PHF24: variants seen among roughly 807,000 people sequenced by gnomAD.
PHF24 encodes PHD finger protein 24.
A neutral mutation model predicts 42.6 loss-of-function variants in PHF24; 25 were observed. The observed-to-expected ratio is 0.59, with a 90% CI of 0.43 to 0.82. The LOEUF (loss-of-function observed/expected upper bound fraction) is 0.82, where lower values mean the gene tolerates loss of function less well. PHF24 is among the 40% of genes least tolerant of loss of function. The probability of loss-of-function intolerance (pLI) is 0.00; values close to 1 mark genes in which losing one functional copy is unlikely to be tolerated. For missense variants in PHF24, 470 were observed against 538.1 expected, an observed-to-expected ratio of 0.87 and a Z score of 1.25; for synonymous variants, 185 against 204.8, an observed-to-expected ratio of 0.90 and a Z score of 0.83.
the PHF24 span, among the ~76,000 whole-genome samples, chr9:34,671,332 G>A: frequency 6.6e-6 from 1 of 152,302 alleles, no homozygotes; most frequent in South Asian, 2.1e-4. Flanking sequence ...CATCCAACAA[G>A]TTATATGAAA....
At chr9:34,718,679 C>T in the PHF24 span, among the ~76,000 whole-genome samples, 1 of 152,246 alleles carries the variant, frequency 6.6e-6, no homozygotes, top group African/African-American at 2.4e-5. Flanking sequence ...GAAGCAGTGT[C>T]TCCATGGAGT....
At chr9:34,825,431 T>C in the PHF24 span, among the ~76,000 whole-genome samples, 1 of 152,156 alleles carries the variant, frequency 6.6e-6, no homozygotes, top group Non-Finnish European at 1.5e-5. Flanking sequence ...GAGATGAGCC[T>C]GGTCTGAGGT....
chr9:34,679,683 C>G, the PHF24 span, among the ~76,000 whole-genome samples: 83 of 152,318 alleles, frequency 5.4e-4, no homozygotes, highest in African/African-American at 1.9e-3. Flanking sequence ...GCTCTGCACT[C>G]TAGCCTGGTG....
the PHF24 span, among the ~76,000 whole-genome samples, chr9:34,933,733 A>C: frequency 2.0e-5 from 3 of 151,430 alleles, no homozygotes; most frequent in East Asian, 2.0e-4. Context: ...TCAAAAAAAA[A>C]AAAACAAAAA....
chr9:34,726,808 C>T, the PHF24 span: 23 of 1,551,630 alleles, frequency 1.5e-5, no homozygotes, highest in East Asian at 7.3e-5. Context: ...ACATACTAGA[C>T]GTAGACAGCA....
the PHF24 span, among the ~76,000 whole-genome samples, chr9:34,936,799 C>A: frequency 2.0e-5 from 3 of 151,606 alleles, no homozygotes; most frequent in African/African-American, 7.3e-5. Context: ...TGCCCAGCCG[C>A]CCCGTCTGAG....
the PHF24 span, among the ~76,000 whole-genome samples, chr9:34,806,266 T>C: frequency 2.0e-5 from 3 of 152,202 alleles, no homozygotes; most frequent in Non-Finnish European, 2.9e-5. Flanking sequence ...TCAGCTGGGA[T>C]TCTGGGAGGC....
chr9:34,805,758 T>C, the PHF24 span, among the ~76,000 whole-genome samples: 1 of 152,224 alleles, frequency 6.6e-6, no homozygotes, highest in Non-Finnish European at 1.5e-5. Flanking sequence ...CCTGTGCTTT[T>C]GGTGTCATAT....
At chr9:34,771,522 C>A in the PHF24 span, among the ~76,000 whole-genome samples, 1 of 152,128 alleles carries the variant, frequency 6.6e-6, no homozygotes, top group Non-Finnish European at 1.5e-5. Flanking sequence ...AAAGATAGTA[C>A]AGAGAGGACA....
At chr9:34,950,158 G>T in the PHF24 span, among the ~76,000 whole-genome samples, 3 of 151,884 alleles carry the variant, frequency 2.0e-5, no homozygotes, top group African/African-American at 7.3e-5. Context: ...AGACCAGCTT[G>T]GTCACATGGT....
the PHF24 span, among the ~76,000 whole-genome samples, chr9:34,921,200 C>CTT: frequency 6.8e-6 from 1 of 146,498 alleles, no homozygotes; most frequent in Admixed American, 6.8e-5. Flanking sequence ...ATTCTTAAAA[C>CTT]TTTTATTCCA....
the PHF24 span, chr9:34,832,799 A>T: frequency 6.4e-7 from 1 of 1,551,462 alleles, no homozygotes; most frequent in South Asian, 1.2e-5. Context: ...GGAAAGGCTG[A>T]CCCTGTGAAG....
At chr9:34,882,682 A>T in the PHF24 span, among the ~76,000 whole-genome samples, 2 of 152,156 alleles carry the variant, frequency 1.3e-5, no homozygotes, top group Non-Finnish European at 2.9e-5. Context: ...CTTCAAGGAG[A>T]ACTACAAACT....
At chr9:34,735,133 C>CTTTTTTT in the PHF24 span, among the ~76,000 whole-genome samples, 298 of 112,414 alleles carry the variant, frequency 2.7e-3, no homozygotes, top group African/African-American at 3.3e-3. Context: ...TTTCTTTTTT[C>CTTTTTTT]TTTTTTTTTT....
the PHF24 span, among the ~76,000 whole-genome samples, chr9:34,899,280 A>T: frequency 6.6e-6 from 1 of 152,208 alleles, no homozygotes; most frequent in African/African-American, 2.4e-5. Context: ...ATTTGTTTCT[A>T]GAAAACTTGC....
chr9:34,814,735 A>G, the PHF24 span, among the ~76,000 whole-genome samples: 7 of 152,290 alleles, frequency 4.6e-5, no homozygotes, highest in African/African-American at 1.7e-4. Context: ...AAAATCGCAG[A>G]TCCTGTACAA....
At chr9:34,810,028 C>T in the PHF24 span, among the ~76,000 whole-genome samples, 1 of 150,628 alleles carries the variant, frequency 6.6e-6, no homozygotes, top group Admixed American at 6.6e-5. Context: ...CCGCCGCCGC[C>T]GCCCACGCCT....
the PHF24 span, chr9:34,894,447 A>C: frequency 3.3e-5 from 13 of 398,612 alleles, no homozygotes; most frequent in Non-Finnish European, 5.3e-5. Context: ...TTACCTTTTC[A>C]TGAGAAACAG....
chr9:34,853,617 A>G, the PHF24 span, among the ~76,000 whole-genome samples: 1 of 151,570 alleles, frequency 6.6e-6, no homozygotes, highest in Admixed American at 6.6e-5. Context: ...TCACGAGGTC[A>G]GGAGATCGAG....
Sources: allele counts gnomAD v4.1 joint callset (sites outside exome capture counted in the v4.1 genomes callset), GRCh38; gene constraint gnomAD v4.1.1; transcripts MANE v1.5; gene names NCBI Gene and HGNC (gene_info 2026-07-23, HGNC 2026-07-21).